WARS2: variants seen among roughly 807,000 people sequenced by gnomAD.
WARS2 encodes the protein tryptophan--tRNA ligase, mitochondrial.
In WARS2, 28 loss-of-function variants were observed where a neutral mutation model predicts 36.5. The observed-to-expected ratio is 0.77, with a 90% CI of 0.57 to 1.05. The LOEUF is 1.05. Ranked by LOEUF, WARS2 falls within the 50% of genes least tolerant of loss-of-function variation. The pLI is 0.00. For synonymous variants in WARS2, 174 were observed against 178.4 expected (o/e 0.98, Z 0.20); for missense variants, 435 against 456.8 (o/e 0.95, Z 0.44).
At chr1:119,045,928 A>G (rs917189328) in intron 2 of WARS2, among the ~76,000 whole-genome samples, 16 of 152,128 alleles carry the variant, frequency 1.1e-4, no homozygotes, top group Non-Finnish European at 8.8e-5. Flanking sequence ...CAACATCTTC[A>G]GTGAGAAAGT....
intron 2 of WARS2, among the ~76,000 whole-genome samples, chr1:119,046,774 C>CTT (rs71743174): frequency 5.7e-4 from 81 of 141,266 alleles, no homozygotes; most frequent in African/African-American, 1.1e-3. Context: ...TCAACTGTGG[C>CTT]TTTTTTTTTT....
chr1:119,126,597 G>C, intron 1 of WARS2: 3 of 669,614 alleles, frequency 4.5e-6, no homozygotes, highest in Non-Finnish European at 8.3e-6. Flanking sequence ...TTTAGCACCT[G>C]TCTTGTCCCC....
At chr1:119,095,005 A>G (rs778497171) in intron 1 of WARS2, among the ~76,000 whole-genome samples, 1 of 152,206 alleles carries the variant, frequency 6.6e-6, no homozygotes, top group Non-Finnish European at 1.5e-5. Flanking sequence ...ATGACAGCCT[A>G]TAAGGTTGGG....
At chr1:119,121,556 T>G (rs1023857888) in intron 1 of WARS2, among the ~76,000 whole-genome samples, 31 of 151,664 alleles carry the variant, frequency 2.0e-4, no homozygotes, top group Admixed American at 6.6e-5. Context: ...AAAATTCATA[T>G]GTAAGAAAAA....
intron 1 of WARS2, among the ~76,000 whole-genome samples, chr1:119,081,992 A>C (rs892388490): frequency 4.6e-5 from 7 of 152,184 alleles, no homozygotes; most frequent in African/African-American, 1.7e-4. Flanking sequence ...GCATCTGCTT[A>C]GAAATAAAAC....
At chr1:119,042,771 A>T (rs1469666595) in intron 3 of WARS2, among the ~76,000 whole-genome samples, 1 of 152,220 alleles carries the variant, frequency 6.6e-6, no homozygotes, top group Non-Finnish European at 1.5e-5. Flanking sequence ...CTTTCCAAAA[A>T]GTCTCACAGC....
intron 1 of WARS2, among the ~76,000 whole-genome samples, chr1:119,125,295 T>G (rs1655576633): frequency 6.6e-6 from 1 of 152,110 alleles, no homozygotes; most frequent in African/African-American, 2.4e-5. Flanking sequence ...CTTCTTGGGG[T>G]CCTCTGCTGA....
intron 4 of WARS2, among the ~76,000 whole-genome samples, chr1:119,038,230 A>G (rs1648040394): frequency 6.6e-6 from 1 of 152,230 alleles, no homozygotes; most frequent in South Asian, 2.1e-4. Flanking sequence ...AAGATAAAAA[A>G]TTATTGCTTA....
intron 1 of WARS2, among the ~76,000 whole-genome samples, chr1:119,095,095 G>A (rs2101426630): frequency 6.6e-6 from 1 of 152,194 alleles, no homozygotes; most frequent in East Asian, 1.9e-4. Context: ...TATAGGGAAG[G>A]TGAAATGAGT....
At chr1:119,087,429 T>C (rs1652755770) in intron 1 of WARS2, among the ~76,000 whole-genome samples, 1 of 152,250 alleles carries the variant, frequency 6.6e-6, no homozygotes, top group Non-Finnish European at 1.5e-5. Flanking sequence ...TCTAAGAGTT[T>C]GTTTAAAAAT....
chr1:119,056,204 T>C (rs1649791250), intron 2 of WARS2, among the ~76,000 whole-genome samples: 1 of 147,716 alleles, frequency 6.8e-6, no homozygotes, highest in Non-Finnish European at 1.5e-5. Context: ...TTTTTTTTTT[T>C]TTTTGTAATT....
intron 1 of WARS2, among the ~76,000 whole-genome samples, chr1:119,110,589 A>T (rs1032651847): frequency 1.3e-5 from 2 of 151,648 alleles, no homozygotes; most frequent in Non-Finnish European, 2.9e-5. Context: ...TTTGAATATG[A>T]TATGCCTAGG....
At chr1:119,130,866 CCTGT>C (rs1656050463) in intron 1 of WARS2, among the ~76,000 whole-genome samples, 1 of 152,160 alleles carries the variant, frequency 6.6e-6, no homozygotes, top group South Asian at 2.1e-4. Flanking sequence ...GGCAAATCTT[CCTGT>C]CTTTCATGAC....
At chr1:119,059,553 T>C (rs573148719) in intron 2 of WARS2, among the ~76,000 whole-genome samples, 1 of 152,344 alleles carries the variant, frequency 6.6e-6, no homozygotes, top group Admixed American at 6.5e-5. Flanking sequence ...TCTATGTCCA[T>C]ACCACACTCT....
At chr1:119,132,757 A>G (rs747604417) in intron 1 of WARS2, among the ~76,000 whole-genome samples, 3 of 152,190 alleles carry the variant, frequency 2.0e-5, no homozygotes, top group Non-Finnish European at 4.4e-5. Flanking sequence ...TATAAAATGA[A>G]TTCTGTTCAA....
intron 1 of WARS2, among the ~76,000 whole-genome samples, chr1:119,093,470 A>G (rs6680746): frequency 0.82 from 118,524 of 145,408 alleles, 49,174 homozygotes; most frequent in African/African-American, 0.96. Context: ...GTTAAGATGA[A>G]GTCATAAATA....
intron 3 of WARS2, 30 bp from the exon 4 acceptor site, chr1:119,042,379 G>T: frequency 6.3e-7 from 1 of 1,597,966 alleles, no homozygotes; most frequent in Non-Finnish European, 8.6e-7. Flanking sequence ...AGGAGGGGAA[G>T]AAATCTGAAA....
intron 1 of WARS2, among the ~76,000 whole-genome samples, chr1:119,098,405 T>C (rs1653607025): frequency 6.6e-6 from 1 of 152,214 alleles, no homozygotes; most frequent in African/African-American, 2.4e-5. Flanking sequence ...GAGTAGATGT[T>C]ATGTGATAAT....
chr1:119,085,543 C>T (rs1476938799), intron 1 of WARS2: 1 of 1,611,038 alleles, frequency 6.2e-7, no homozygotes, highest in African/African-American at 1.3e-5. Context: ...GGGGTACGAG[C>T]CCCACAGCCC....
Sources: gnomAD v4.1 joint callset for allele counts (sites outside exome capture counted in the v4.1 genomes callset) on GRCh38, gnomAD v4.1.1 for gene constraint, MANE v1.5 for transcripts, NCBI Gene and HGNC (gene_info 2026-07-23, HGNC 2026-07-21) for gene names.